Variants in PATJ observed in about 807,000 individuals in gnomAD.
PATJ encodes the protein inaD-like protein.
Under a neutral mutation model 224.9 loss-of-function variants are expected in PATJ, and 190 were observed. The ratio of observed to expected loss-of-function variants is 0.84; its 90% CI spans 0.75 to 0.95. The LOEUF (loss-of-function observed/expected upper bound fraction) is 0.95. Among genes scored for constraint, PATJ ranks in the 40% least tolerant of loss-of-function variants. The pLI is 0.00. For synonymous variants in PATJ, 769 were observed against 820.3 expected, an observed-to-expected ratio of 0.94 and a Z score of 1.07; for missense variants, 2,121 against 2,270.3, an observed-to-expected ratio of 0.93 and a Z score of 1.34.
At chr1:62,071,514 A>G (rs1570444046) in intron 31 of PATJ, among the ~76,000 whole-genome samples, 1 of 118,782 alleles carries the variant, frequency 8.4e-6, no homozygotes, top group Admixed American at 9.9e-5. Flanking sequence ...TTTTTTTGAG[A>G]CAGAATCTTG....
chr1:61,789,307 A>AAAAT (rs926165976), intron 8 of PATJ, among the ~76,000 whole-genome samples: 3 of 150,200 alleles, frequency 2.0e-5, no homozygotes, highest in Non-Finnish European at 3.0e-5. Flanking sequence ...CTCTATTAAA[A>AAAAT]AAATAAATAA....
intron 22 of PATJ, 51 bp downstream of exon 22, chr1:61,884,459 T>G (rs774894788): frequency 1.7e-5 from 18 of 1,052,620 alleles, no homozygotes; most frequent in East Asian, 3.2e-5. Context: ...TGGTTTTTTT[T>G]TTTTTTTTTT....
intron 1 of PATJ, 55 bp from the exon 2 acceptor site, chr1:61,762,803 T>A (rs942693434): frequency 1.3e-6 from 1 of 753,260 alleles, no homozygotes; most frequent in African/African-American, 1.8e-5. Context: ...TTCTACAGGA[T>A]TGTAGCCATA....
chr1:62,120,545 G>C (rs1361088408), intron 37 of PATJ, among the ~76,000 whole-genome samples: 2 of 152,160 alleles, frequency 1.3e-5, no homozygotes, highest in African/African-American at 2.4e-5. Flanking sequence ...AGACTACACA[G>C]TATTAACCTC....
At chr1:62,121,341 T>TAAA (rs1294822244) in intron 38 of PATJ, 46 bp downstream of exon 38, 1 of 973,994 alleles carries the variant, frequency 1.0e-6, no homozygotes, top group African/African-American at 3.7e-5. Context: ...GTTACCCAAA[T>TAAA]TAAAAAAAAA....
At chr1:61,921,206 C>T (rs756353680) in intron 26 of PATJ, among the ~76,000 whole-genome samples, 1 of 152,050 alleles carries the variant, frequency 6.6e-6, no homozygotes, top group South Asian at 2.1e-4. Flanking sequence ...TAATTACAGA[C>T]ATATACATGG....
intron 27 of PATJ, among the ~76,000 whole-genome samples, chr1:61,935,472 A>G (rs1056321813): frequency 2.6e-5 from 4 of 152,188 alleles, no homozygotes; most frequent in African/African-American, 9.7e-5. Context: ...TAAAGAGTAT[A>G]TTTGGATTAT....
chr1:61,788,756 C>A (rs1400763502), intron 8 of PATJ, among the ~76,000 whole-genome samples: 1 of 152,160 alleles, frequency 6.6e-6, no homozygotes, highest in African/African-American at 2.4e-5. Flanking sequence ...CTCACTGCAA[C>A]CTCTGCCTCC....
At position 62,160,941 on chromosome 1, in the gene PATJ, G is replaced by A; in HGVS notation, c.5536G>A (p.Gly1846Arg). 1 of 1,614,022 alleles carries A rather than the reference G, an allele frequency of 6.2e-7. No homozygotes were observed. The highest frequency in any genetic ancestry group is 8.5e-7 in the Non-Finnish European group (1 of 1,180,006). ...TGCAGATGACGGCCGATTAAAACGA[G>A]GGGATCAGATTTTAGCTGTTAATGG... ...AAADDGRLKR[G>R]DQILAVNGET... The change falls in exon 44 of 44, where the codon GGG becomes AGG. Residue 1846 changes from glycine to arginine, a missense_variant. Physicochemically the swap from Gly to Arg is moderately radical, Grantham distance 125. Coordinates refer to ENST00000642238, the MANE Select transcript of PATJ (RefSeq NM_001350145.3).
chr1:61,943,169 C>T (rs1272135945), intron 27 of PATJ, among the ~76,000 whole-genome samples: 1 of 152,232 alleles, frequency 6.6e-6, no homozygotes, highest in Admixed American at 6.5e-5. Context: ...GGAACAGCTC[C>T]AGTCTACAGC....
intron 22 of PATJ, among the ~76,000 whole-genome samples, chr1:61,894,409 A>G (rs1045343741): frequency 6.6e-6 from 1 of 152,188 alleles, no homozygotes; most frequent in Admixed American, 6.5e-5. Context: ...CTCAAATTGT[A>G]ATCCCCATGT....
chr1:62,039,677 G>A (rs1488914105), intron 30 of PATJ, among the ~76,000 whole-genome samples: 1 of 152,210 alleles, frequency 6.6e-6, no homozygotes, highest in Non-Finnish European at 1.5e-5. Context: ...TATAAAGAAG[G>A]TGATTTATTC....
Position 61,827,447 on chromosome 1 carries a change from A to T in PATJ, c.1844A>T (p.Lys615Ile). The change falls in exon 16 of 44, where the codon AAA (lysine) becomes ATA (isoleucine). Residue 615 changes from lysine to isoleucine, a missense_variant. Physicochemically the swap from Lys to Ile is moderately radical, Grantham distance 102. Transcript: ENST00000642238. Reference sequence around the variant, plus strand: ...GTCAATGGCATGCAGCTTTATGGAAAATCTCGCCGAGAAGCAGTCTCCTTT... The same window carrying T: ...GTCAATGGCATGCAGCTTTATGGAATATCTCGCCGAGAAGCAGTCTCCTTT... ...LEVNGMQLYG[K>I]SRREAVSFLK... 1.2e-6 allele frequency: 2 copies of T among 1,613,766 alleles called. No individual in the cohort carries two copies. The highest frequency in any genetic ancestry group is 1.7e-6 in the Non-Finnish European group (2 of 1,179,912).
intron 33 of PATJ, among the ~76,000 whole-genome samples, chr1:62,107,305 C>CAA (rs57079068): frequency 6.2e-5 from 8 of 129,302 alleles, no homozygotes; most frequent in Non-Finnish European, 1.0e-4. Flanking sequence ...GAGTCCATCT[C>CAA]AAAAAAAAAA....
At chr1:61,867,569 TA>T (rs201686168) in intron 20 of PATJ, among the ~76,000 whole-genome samples, 39 of 80,704 alleles carry the variant, frequency 4.8e-4, no homozygotes, top group East Asian at 3.9e-3. Flanking sequence ...TTAAAATCTG[TA>T]AAATTTTTTT....
rs76297469 is a variant in PATJ, at chr1:62,148,682, G to T, written c.5378+292G>T. Among the ~76,000 whole-genome samples, 987 of 152,244 alleles carry T rather than the reference G, an allele frequency of 6.5e-3. 10 individuals carry two copies. Among genetic ancestry groups the T allele is most frequent in the African/African-American group, 0.023 (943 of 41,546 alleles). The stretch of plus-strand genomic sequence containing the variant: ...GCCCAGGTGCACGCTGCTTTATTGT[G>T]CAAGGAACCACGTTTCCTGAACTTC... On this transcript the variant is annotated intron_variant, in intron 42 of 43. Transcript: ENST00000642238.
chr1:62,074,233 G>A (rs1396623901), intron 31 of PATJ, among the ~76,000 whole-genome samples: 1 of 149,226 alleles, frequency 6.7e-6, no homozygotes, highest in Non-Finnish European at 1.5e-5. Flanking sequence ...GGGAGGGATA[G>A]CATTAGGAGA....
In PATJ at chr1:61,896,352, G is replaced by T. The variant is rs114611384; in HGVS notation, c.3132-3231G>T. On this transcript the variant is annotated intron_variant, in intron 22 of 43. Coordinates refer to ENST00000642238, the MANE Select transcript of PATJ (RefSeq NM_001350145.3). ...TAGGTTTTGGACTTACATGGGGCCT[G>T]TGGCTCCTTTGTTTTGGCCAGTTTC... Among the ~76,000 whole-genome samples, 1,269 of 151,940 alleles carry T rather than the reference G, an allele frequency of 8.4e-3. 26 individuals are homozygous for T. Among genetic ancestry groups the T allele is most frequent in the African/African-American group, 0.029 (1,211 of 41,446 alleles).
chr1:61,840,102 C>G (rs893465195), intron 17 of PATJ, among the ~76,000 whole-genome samples: 4 of 151,692 alleles, frequency 2.6e-5, no homozygotes, highest in African/African-American at 9.7e-5. Flanking sequence ...TGCAGTGTTA[C>G]TGAGTCTTGA....
Sources: allele counts gnomAD v4.1 joint callset (sites outside exome capture counted in the v4.1 genomes callset), GRCh38; gene constraint gnomAD v4.1.1; transcripts MANE v1.5; gene names NCBI Gene and HGNC (gene_info 2026-07-23, HGNC 2026-07-21).